CFAP210: variants seen among roughly 807,000 people sequenced by gnomAD.
CFAP210 encodes the protein cilia- and flagella- associated protein 210.
At chr2:169,672,203 G>C in the CFAP210 span, among the ~76,000 whole-genome samples, 6 of 152,148 alleles carry the variant, frequency 3.9e-5, no homozygotes, top group Non-Finnish European at 8.8e-5. Flanking sequence ...TATAATAATA[G>C]ATTTATAATT....
At chr2:169,680,255 C>A in the CFAP210 span, among the ~76,000 whole-genome samples, 883 of 152,128 alleles carry the variant, frequency 5.8e-3, 11 homozygotes, top group African/African-American at 0.02. Flanking sequence ...CCAACTATAC[C>A]AAGTGTTGTT....
chr2:169,658,700 G>A, the CFAP210 span: 1 of 289,574 alleles, frequency 3.5e-6, no homozygotes, highest in Non-Finnish European at 6.8e-6. Context: ...TCTACAACAG[G>A]TGCTTATTCC....
chr2:169,694,373 G>A, the CFAP210 span: 1 of 1,587,726 alleles, frequency 6.3e-7, no homozygotes. Flanking sequence ...AAGCGCCGCG[G>A]ACGCCAGCCG....
chr2:169,650,591 T>G, the CFAP210 span: 2 of 1,341,574 alleles, frequency 1.5e-6, no homozygotes, highest in Non-Finnish European at 1.9e-6. Flanking sequence ...ATAATTTAAT[T>G]AGGGAATCTG....
chr2:169,653,022 AAAAAAAAATAT>A, the CFAP210 span, among the ~76,000 whole-genome samples: 1 of 57,946 alleles, frequency 1.7e-5, no homozygotes, highest in African/African-American at 7.1e-5. Context: ...AAAAAAAAAA[AAAAAAAAATAT>A]ATATATATAT....
the CFAP210 span, among the ~76,000 whole-genome samples, chr2:169,671,735 G>A: frequency 1.3e-5 from 2 of 152,200 alleles, no homozygotes; most frequent in African/African-American, 4.8e-5. Flanking sequence ...CTACCAAAAT[G>A]CTGGGATTGG....
At chr2:169,654,378 A>G in the CFAP210 span, among the ~76,000 whole-genome samples, 7 of 152,250 alleles carry the variant, frequency 4.6e-5, no homozygotes, top group Non-Finnish European at 7.3e-5. Context: ...ATAAAGGTTT[A>G]TGTGTCATGT....
At chr2:169,676,420 G>C in the CFAP210 span, among the ~76,000 whole-genome samples, 61,677 of 150,860 alleles carry the variant, frequency 0.41, 12,854 homozygotes, top group Non-Finnish European at 0.44. Flanking sequence ...TACCAGGGAC[G>C]TTTTTAAAAT....
chr2:169,652,031 C>G, the CFAP210 span, among the ~76,000 whole-genome samples: 1 of 152,104 alleles, frequency 6.6e-6, no homozygotes, highest in South Asian at 2.1e-4. Flanking sequence ...TAGTTAAGAG[C>G]CTAAGCATGT....
At chr2:169,687,870 A>C in the CFAP210 span, among the ~76,000 whole-genome samples, 1 of 113,078 alleles carries the variant, frequency 8.8e-6, no homozygotes, top group Non-Finnish European at 2.0e-5. Flanking sequence ...CTGCCTCTGC[A>C]GCAAACTTTT....
chr2:169,694,172 C>G, the CFAP210 span: 3 of 1,281,606 alleles, frequency 2.3e-6, no homozygotes, highest in South Asian at 3.7e-5. Context: ...CAAAAGGCAA[C>G]TGAAGCCCTC....
the CFAP210 span, among the ~76,000 whole-genome samples, chr2:169,673,251 G>C: frequency 1.3e-5 from 2 of 152,160 alleles, no homozygotes; most frequent in African/African-American, 2.4e-5. Context: ...AGATACAAAG[G>C]CTATAGGAGG....
chr2:169,645,886 T>C, the CFAP210 span: 46 of 1,613,348 alleles, frequency 2.9e-5, no homozygotes, highest in Non-Finnish European at 3.1e-5. Flanking sequence ...GAAAATTATA[T>C]TTTGGTCCCT....
chr2:169,679,246 T>C, the CFAP210 span, among the ~76,000 whole-genome samples: 5 of 152,296 alleles, frequency 3.3e-5, no homozygotes, highest in Middle Eastern at 3.4e-3. Context: ...TTATTTTAGG[T>C]TCAAAGGCTA....
the CFAP210 span, among the ~76,000 whole-genome samples, chr2:169,683,747 C>A: frequency 6.6e-6 from 1 of 152,106 alleles, no homozygotes; most frequent in Non-Finnish European, 1.5e-5. Flanking sequence ...CATCTCAAAT[C>A]TTTAGTAGAG....
At chr2:169,683,901 C>T in the CFAP210 span, among the ~76,000 whole-genome samples, 1 of 152,264 alleles carries the variant, frequency 6.6e-6, no homozygotes, top group East Asian at 1.9e-4. Context: ...TTGGGAAAGG[C>T]TTTTTACTAT....
chr2:169,688,686 G>A, the CFAP210 span, among the ~76,000 whole-genome samples: 5 of 152,144 alleles, frequency 3.3e-5, no homozygotes, highest in Admixed American at 1.3e-4. Flanking sequence ...CTCCATCTGA[G>A]ACCATCTCAG....
At chr2:169,670,121 C>T in the CFAP210 span, among the ~76,000 whole-genome samples, 3 of 152,090 alleles carry the variant, frequency 2.0e-5, no homozygotes, top group African/African-American at 7.2e-5. Context: ...TGAGTTTTTT[C>T]TTAAGCAAAG....
chr2:169,694,126 T>C, the CFAP210 span: 1 of 819,238 alleles, frequency 1.2e-6, no homozygotes, highest in South Asian at 1.5e-5. Context: ...CCAAAGATGC[T>C]TATTGAGGAT....
Sources: allele counts gnomAD v4.1 joint callset (sites outside exome capture counted in the v4.1 genomes callset), GRCh38; gene constraint gnomAD v4.1.1; transcripts MANE v1.5; gene names NCBI Gene and HGNC (gene_info 2026-07-23, HGNC 2026-07-21).